TMIGD3: variants seen among roughly 807,000 people sequenced by gnomAD.
TMIGD3 encodes AD026 protein (AD026).
TMIGD3 carries 21 observed loss-of-function variants against 28.1 expected under a neutral mutation model. The ratio of observed to expected loss-of-function variants is 0.75; its 90% CI spans 0.53 to 1.08. TMIGD3 has a LOEUF of 1.08. Ranked by LOEUF, TMIGD3 falls within the 50% of genes least tolerant of loss-of-function variation. The pLI is 0.00. For synonymous variants in TMIGD3, 151 were observed against 162.1 expected (o/e 0.93, Z 0.52); for missense variants, 416 against 435.6 (o/e 0.96, Z 0.40).
chr1:111,534,620 T>C (rs951709763), intron 1 of TMIGD3, among the ~76,000 whole-genome samples: 10 of 152,190 alleles, frequency 6.6e-5, no homozygotes, highest in Non-Finnish European at 1.2e-4. Flanking sequence ...CCCCTTCCCA[T>C]GACCTGAAGT....
intron 1 of TMIGD3, among the ~76,000 whole-genome samples, chr1:111,513,856 C>T (rs907875697): frequency 2.0e-5 from 3 of 152,134 alleles, no homozygotes; most frequent in Non-Finnish European, 4.4e-5. Flanking sequence ...AACAAATGAC[C>T]AACGTGAACT....
chr1:111,539,854 C>CA (rs1298383292), intron 1 of TMIGD3, among the ~76,000 whole-genome samples: 2 of 152,122 alleles, frequency 1.3e-5, no homozygotes, highest in Non-Finnish European at 2.9e-5. Context: ...AGCAATAAGG[C>CA]AAAAGATAAT....
upstream of TMIGD3, among the ~76,000 whole-genome samples, chr1:111,507,009 A>ATGTGTG (rs1257817741): frequency 2.1e-3 from 280 of 132,168 alleles, 1 homozygote; most frequent in African/African-American, 7.7e-3. Context: ...ACACACACAT[A>ATGTGTG]TGTGTGTGTG....
chr1:111,500,621 C>T, intron 1 of TMIGD3: 7 of 1,485,288 alleles, frequency 4.7e-6, no homozygotes, highest in Non-Finnish European at 6.5e-6. Flanking sequence ...GGAGATGGAG[C>T]TGGTAAAGGA....
intron 1 of TMIGD3, among the ~76,000 whole-genome samples, chr1:111,536,346 G>A (rs778251121): frequency 1.3e-5 from 2 of 152,072 alleles, no homozygotes; most frequent in Non-Finnish European, 2.9e-5. Flanking sequence ...TTTTTCAGAT[G>A]AGGAAACTGA....
At chr1:111,542,464 T>G (rs1571450711) in intron 1 of TMIGD3, 1 of 197,278 alleles carries the variant, frequency 5.1e-6, no homozygotes, top group Non-Finnish European at 1.1e-5. Flanking sequence ...GAGGGCCGTG[T>G]AGGAGTTGGA....
intron 1 of TMIGD3, among the ~76,000 whole-genome samples, chr1:111,551,089 T>C (rs541839135): frequency 6.6e-6 from 1 of 152,320 alleles, no homozygotes; most frequent in East Asian, 1.9e-4. Flanking sequence ...GAAATACTTA[T>C]CTTTTCTCAT....
intron 1 of TMIGD3, among the ~76,000 whole-genome samples, chr1:111,545,609 C>G (rs1657007537): frequency 6.6e-6 from 1 of 152,084 alleles, no homozygotes; most frequent in Non-Finnish European, 1.5e-5. Flanking sequence ...CTTTGGTGCA[C>G]TAAAGTTTTT....
Position 111,563,068 on chromosome 1 carries a change from C to T in TMIGD3, c.107+778G>A, listed in dbSNP as rs190577513. 4.2e-3 allele frequency among the ~76,000 whole-genome samples: 639 copies of T among 152,226 alleles called. 2 individuals are homozygous for T. The highest frequency in any genetic ancestry group is 7.1e-3 in the Non-Finnish European group (482 of 68,008). The stretch of plus-strand genomic sequence containing the variant: ...ACTAAGGCTTAAAGAGAGTAAGCAG[C>T]GTACTCAAAGTCCTACACAGCTAGT... On this transcript the variant is annotated intron_variant, in intron 1 of 5. Transcript: ENST00000369717.
chr1:111,513,654 G>A (rs1655765022), intron 1 of TMIGD3, among the ~76,000 whole-genome samples: 3 of 152,146 alleles, frequency 2.0e-5, no homozygotes, highest in South Asian at 4.1e-4. Flanking sequence ...AGTTCGACAC[G>A]GTTTCAGTGA....
At chr1:111,544,369 C>T (rs891741525) in intron 1 of TMIGD3, among the ~76,000 whole-genome samples, 5 of 152,144 alleles carry the variant, frequency 3.3e-5, no homozygotes, top group Admixed American at 1.3e-4. Flanking sequence ...CCAATTTCCT[C>T]TTCCCCTCAT....
At chr1:111,522,077 T>C (rs1465144635) in intron 1 of TMIGD3, among the ~76,000 whole-genome samples, 1 of 152,216 alleles carries the variant, frequency 6.6e-6, no homozygotes, top group African/African-American at 2.4e-5. Flanking sequence ...TACGTATGGG[T>C]TTATTTCCAT....
rs758767696 is a variant in TMIGD3 at position 111,503,023 on chromosome 1, C to T, written c.332G>A (p.Arg111Gln). Reference sequence around the variant, plus strand: ...AGGCTACCTGACGGTAAGCTTGACCCGCAAGTATCGGTCCACAGCGATGGC... The same window carrying T: ...AGGCTACCTGACGGTAAGCTTGACCTGCAAGTATCGGTCCACAGCGATGGC... Reference protein sequence around the residue: ...LLAIAVDRYLRVKLTVRFRIP... With the variant: ...LLAIAVDRYLQVKLTVRFRIP... Residue 111 changes from arginine (R) to glutamine (Q), a missense_variant, in exon 1 of 6, where the codon CGG (arginine) becomes CAG (glutamine). Arg to Gln is a conservative substitution (Grantham distance 43, BLOSUM62 1). Coordinates refer to ENST00000369716, the MANE Select transcript of TMIGD3 (RefSeq NM_020683.7). 7 of 1,613,958 alleles carry T rather than the reference C, an allele frequency of 4.3e-6. No homozygotes were observed. In the African/African-American group the frequency reaches 5.3e-5, roughly 12 times the overall value.
intron 1 of TMIGD3, among the ~76,000 whole-genome samples, chr1:111,492,890 T>C (rs1654733655): frequency 6.6e-6 from 1 of 151,944 alleles, no homozygotes; most frequent in South Asian, 2.1e-4. Flanking sequence ...ATGTGTCTAC[T>C]AGTATTCTGA....
chr1:111,527,587 A>T (rs2101010291), intron 1 of TMIGD3, among the ~76,000 whole-genome samples: 1 of 152,294 alleles, frequency 6.6e-6, no homozygotes, highest in South Asian at 2.1e-4. Context: ...AAACTGCCAA[A>T]CTGTCTTCCA....
intron 1 of TMIGD3, among the ~76,000 whole-genome samples, chr1:111,538,664 T>C (rs189225556): frequency 3.3e-5 from 5 of 152,290 alleles, no homozygotes; most frequent in Admixed American, 2.6e-4. Flanking sequence ...TTGAAAGGCA[T>C]TTGGAGAAAC....
intron 1 of TMIGD3, chr1:111,499,415 G>C: frequency 3.0e-6 from 3 of 989,228 alleles, no homozygotes; most frequent in Non-Finnish European, 3.6e-6. Flanking sequence ...CCCCAGCAAA[G>C]AGCTACACTC....
At chr1:111,526,113 T>G (rs900765487) in intron 1 of TMIGD3, among the ~76,000 whole-genome samples, 1 of 152,202 alleles carries the variant, frequency 6.6e-6, no homozygotes, top group Non-Finnish European at 1.5e-5. Context: ...ATACTTTATT[T>G]TTTAGAGGAG....
intron 3 of TMIGD3, among the ~76,000 whole-genome samples, chr1:111,487,401 C>T (rs1654433531): frequency 6.6e-6 from 1 of 152,132 alleles, no homozygotes; most frequent in South Asian, 2.1e-4. Context: ...CAAGGGCACC[C>T]CTTAAGCCCT....
Sources: allele counts gnomAD v4.1 joint callset (sites outside exome capture counted in the v4.1 genomes callset), GRCh38; gene constraint gnomAD v4.1.1; transcripts MANE v1.5; gene names NCBI Gene and HGNC (gene_info 2026-07-23, HGNC 2026-07-21).